The following HCN1 variants were observed in gnomAD, a reference collection of about 807,000 sequenced individuals.
HCN1 encodes potassium/sodium hyperpolarization-activated cyclic nucleotide-gated channel 1.
Under a neutral mutation model 78.9 loss-of-function variants are expected in HCN1, and 13 were observed. That is an observed-to-expected ratio of 0.16 (90% CI 0.11 to 0.26). The LOEUF (loss-of-function observed/expected upper bound fraction) is 0.26. Ranked by LOEUF, HCN1 falls within the 10% of genes least tolerant of loss-of-function variation. The probability of loss-of-function intolerance (pLI) is 1.00; values close to 1 mark genes in which losing one functional copy is unlikely to be tolerated. For synonymous variants in HCN1, 552 were observed against 455.5 expected (o/e 1.21, Z -2.70); for missense variants, 810 against 1,154.3 (o/e 0.70, Z 4.32).
chr5:45,402,803 C>T (rs1351509499), intron 3 of HCN1, among the ~76,000 whole-genome samples: 1 of 139,434 alleles, frequency 7.2e-6, no homozygotes, highest in Non-Finnish European at 1.6e-5. Context: ...TCCTTTCTTT[C>T]CTTTCTTTCC....
intron 1 of HCN1, among the ~76,000 whole-genome samples, chr5:45,652,993 C>T (rs986890749): frequency 6.6e-6 from 1 of 151,992 alleles, no homozygotes; most frequent in African/African-American, 2.4e-5. Flanking sequence ...TAAATTGCCT[C>T]CTATTTATAT....
chr5:45,612,574 G>T (rs144237193), intron 2 of HCN1, among the ~76,000 whole-genome samples: 1 of 152,216 alleles, frequency 6.6e-6, no homozygotes, highest in South Asian at 2.1e-4. Flanking sequence ...CCAAGTGTTC[G>T]TAATTTGGAT....
At chr5:45,282,912 TTGTC>T (rs1000147799) in intron 6 of HCN1, among the ~76,000 whole-genome samples, 9 of 152,200 alleles carry the variant, frequency 5.9e-5, no homozygotes, top group Non-Finnish European at 1.0e-4. Context: ...GTTGACATGT[TTGTC>T]TATTTTTTAA....
intron 6 of HCN1, among the ~76,000 whole-genome samples, chr5:45,302,655 T>A (rs532609016): frequency 6.6e-6 from 1 of 151,488 alleles, no homozygotes; most frequent in African/African-American, 2.4e-5. Flanking sequence ...TTAATAAAAA[T>A]TGGAGATAAA....
In HCN1 at chr5:45,445,543, C is replaced by T. The variant is rs570328768; in HGVS notation, c.1011+16303G>A. 1.1e-4 allele frequency among the ~76,000 whole-genome samples: 17 copies of T among 152,312 alleles called. No homozygotes were observed. In the East Asian group the frequency reaches 2.9e-3, roughly 26 times the overall value. ...GCTTTGAAGAGAGCAGTGGTTCTCC[C>T]AGCATGCAGCTGGAGATCTGAGAAT... On this transcript the variant is annotated intron_variant, in intron 3 of 7. Coordinates refer to ENST00000303230, the MANE Select transcript of HCN1 (RefSeq NM_021072.4).
At chr5:45,522,704 C>G (rs1047799014) in intron 2 of HCN1, among the ~76,000 whole-genome samples, 10 of 151,334 alleles carry the variant, frequency 6.6e-5, no homozygotes, top group African/African-American at 2.4e-4. Context: ...GACAACTCTG[C>G]TTTGAATTGA....
intron 2 of HCN1, among the ~76,000 whole-genome samples, chr5:45,636,207 A>T (rs768928730): frequency 6.6e-6 from 1 of 152,080 alleles, no homozygotes; most frequent in Non-Finnish European, 1.5e-5. Flanking sequence ...AACTAAAGTG[A>T]CTCGTTCAAC....
At chr5:45,695,586 G>C (rs1448030491) in intron 1 of HCN1, 83 bp downstream of exon 1, 15 of 1,224,946 alleles carry the variant, frequency 1.2e-5, no homozygotes, top group Non-Finnish European at 1.6e-5. Flanking sequence ...CCTAGTCCCC[G>C]GGACGCCCCC....
At chr5:45,516,173 G>A (rs1579943461) in intron 2 of HCN1, among the ~76,000 whole-genome samples, 1 of 152,042 alleles carries the variant, frequency 6.6e-6, no homozygotes, top group East Asian at 1.9e-4. Flanking sequence ...TTTCCTCAAT[G>A]GAGTTGACTT....
At chr5:45,528,560 A>G (rs966934980) in intron 2 of HCN1, among the ~76,000 whole-genome samples, 1 of 152,034 alleles carries the variant, frequency 6.6e-6, no homozygotes, top group Non-Finnish European at 1.5e-5. Flanking sequence ...AGTTTTATCA[A>G]TATGGAATTC....
At chr5:45,375,979 A>G (rs1747640607) in intron 4 of HCN1, among the ~76,000 whole-genome samples, 1 of 111,348 alleles carries the variant, frequency 9.0e-6, no homozygotes, top group South Asian at 2.4e-4. Flanking sequence ...TTTATCACAT[A>G]TATTATATAT....
chr5:45,424,374 G>A (rs1740296287), intron 3 of HCN1, among the ~76,000 whole-genome samples: 1 of 151,928 alleles, frequency 6.6e-6, no homozygotes, highest in African/African-American at 2.4e-5. Flanking sequence ...TAAGAATCGT[G>A]TCAACATATT....
At chr5:45,514,964 T>C (rs1321310997) in intron 2 of HCN1, among the ~76,000 whole-genome samples, 3 of 152,044 alleles carry the variant, frequency 2.0e-5, no homozygotes, top group Non-Finnish European at 2.9e-5. Flanking sequence ...TTAATTTGAG[T>C]GTTTTTAGAT....
chr5:45,539,991 G>A (rs1743065854), intron 2 of HCN1, among the ~76,000 whole-genome samples: 1 of 143,152 alleles, frequency 7.0e-6, no homozygotes, highest in African/African-American at 2.6e-5. Flanking sequence ...ATAGGCCTTA[G>A]TTTACTTAAT....
chr5:45,358,476 C>T (rs966938122), intron 4 of HCN1, among the ~76,000 whole-genome samples: 7 of 152,076 alleles, frequency 4.6e-5, no homozygotes, highest in Non-Finnish European at 8.8e-5. Context: ...CATTTCTCTG[C>T]ATCACCATTC....
At chr5:45,450,652 G>C (rs1337916094) in intron 3 of HCN1, among the ~76,000 whole-genome samples, 1 of 152,154 alleles carries the variant, frequency 6.6e-6, no homozygotes, top group Admixed American at 6.5e-5. Flanking sequence ...CTAAATATTA[G>C]ATATGTGGGA....
chr5:45,396,404 G>T, intron 4 of HCN1, 88 bp downstream of exon 4: 3 of 942,766 alleles, frequency 3.2e-6, no homozygotes, highest in Non-Finnish European at 5.0e-6. Context: ...TTTTTATAGA[G>T]GAGATGGTGT....
chr5:45,605,621 A>G (rs766138626), intron 2 of HCN1, among the ~76,000 whole-genome samples: 1 of 152,138 alleles, frequency 6.6e-6, no homozygotes, highest in South Asian at 2.1e-4. Context: ...GTTTTTGTAC[A>G]TTGTACATGA....
At chr5:45,375,186 T>C (rs1299498954) in intron 4 of HCN1, among the ~76,000 whole-genome samples, 5 of 118,906 alleles carry the variant, frequency 4.2e-5, no homozygotes, top group East Asian at 4.3e-4. Context: ...ATATAATGTA[T>C]TATATATAAT....
Sources: allele counts gnomAD v4.1 joint callset (sites outside exome capture counted in the v4.1 genomes callset), GRCh38; gene constraint gnomAD v4.1.1; transcripts MANE v1.5; gene names NCBI Gene and HGNC (gene_info 2026-07-23, HGNC 2026-07-21).